The following CABIN1 variants were observed in gnomAD, a reference collection of about 807,000 sequenced individuals.
The protein encoded by CABIN1 is calcineurin binding protein 1.
CABIN1 carries 133 observed loss-of-function variants against 227.7 expected under a neutral mutation model. The ratio of observed to expected loss-of-function variants is 0.58; its 90% CI spans 0.51 to 0.67. The LOEUF is 0.67. CABIN1 is among the 30% of genes least tolerant of loss of function. The pLI, the probability that CABIN1 is intolerant of heterozygous loss-of-function variation, is 0.00. For synonymous variants in CABIN1, 1,086 were observed against 1,155.1 expected (o/e 0.94, Z 1.21); for missense variants, 2,408 against 2,852.5 (o/e 0.84, Z 3.55).
intron 16 of CABIN1, among the ~76,000 whole-genome samples, 164 bp downstream of exon 16, chr22:24,067,345 T>C (rs2039759937): frequency 6.6e-6 from 1 of 152,180 alleles, no homozygotes; most frequent in South Asian, 2.1e-4. Context: ...GAAGATATGG[T>C]CAAGACTAAT....
chr22:24,083,706 T>C (rs1386173780), intron 20 of CABIN1, among the ~76,000 whole-genome samples: 2 of 152,056 alleles, frequency 1.3e-5, no homozygotes, highest in Non-Finnish European at 2.9e-5. Context: ...AAGGCTGGAG[T>C]GCACTGTGAT....
rs754974876 is a variant in CABIN1 at position 24,056,264 on chromosome 22, C to T, written c.1166C>T (p.Thr389Ile). The change falls in exon 10 of 37, where the codon ACA (threonine) becomes ATA (isoleucine). Residue 389 changes from threonine (T) to isoleucine (I), a missense_variant. Transcript: ENST00000263119. ...RKKISEESGE[T>I]AKRRSARVRN... ...AAGATTTCAGAAGAGAGTGGAGAAA[C>T]AGCAAAGCGGCGGTCTGCCCGTGTC... The T allele has an allele frequency of 1.7e-5, 27 of 1,613,836 alleles. No individual in the cohort carries two copies. Among genetic ancestry groups the T allele is most frequent in the East Asian group, 2.2e-5 (1 of 44,896 alleles).
Position 24,134,406 on chromosome 22 carries a change from T to C in CABIN1, c.4737T>C (p.Asn1579=). 1 of 1,613,150 alleles carries C rather than the reference T, an allele frequency of 6.2e-7. No individual in the cohort carries two copies. The highest frequency in any genetic ancestry group is 1.1e-5 in the South Asian group (1 of 91,058). The part of the protein sequence containing the change: ...QGLFCERNKT[N]FFNGIWRIPV... ...TCTTCTGCGAGAGGAACAAGACCAA[T>C]TTCTTCAACGTGAGTACTTTGCCTT... Residue 1579 remains asparagine (N), a synonymous_variant, in exon 29 of 37, where the codon AAT becomes AAC. Transcript: ENST00000263119.
chr22:24,042,408 G>A (rs891672429), intron 5 of CABIN1, among the ~76,000 whole-genome samples: 1 of 152,082 alleles, frequency 6.6e-6, no homozygotes, highest in Non-Finnish European at 1.5e-5. Context: ...TACTAAGACC[G>A]TGTCTCTACA....
intron 33 of CABIN1, among the ~76,000 whole-genome samples, chr22:24,170,480 C>T (rs1318123656): frequency 1.3e-5 from 2 of 152,210 alleles, no homozygotes; most frequent in African/African-American, 2.4e-5. Context: ...CGTGTCTGCT[C>T]ACGCTGCCAG....
intron 22 of CABIN1, among the ~76,000 whole-genome samples, chr22:24,086,228 C>T (rs929884915): frequency 5.9e-5 from 9 of 152,250 alleles, no homozygotes; most frequent in East Asian, 1.9e-4. Context: ...GTGCTTACTG[C>T]GCCACAGTTC....
chr22:24,053,496 G>T (rs2038528613), intron 8 of CABIN1, among the ~76,000 whole-genome samples: 1 of 152,008 alleles, frequency 6.6e-6, no homozygotes, highest in African/African-American at 2.4e-5. Context: ...TCCTGCCTCA[G>T]CCTCCCAAGT....
chr22:24,098,832 A>C lies in CABIN1; in HGVS notation c.4117+640A>C, dbSNP rs546355678. On this transcript the variant is annotated intron_variant, in intron 26 of 36. Coordinates refer to ENST00000263119, the MANE Select transcript of CABIN1 (RefSeq NM_012295.4). ...TCATTTTTATAGTGATAAGCTAGTG[A>C]CAAAGTACTTGCTGGGATAAGCCAA... Among the ~76,000 whole-genome samples the C allele has an allele frequency of 3.9e-5, 6 of 152,320 alleles. No individual in the cohort carries two copies. The East Asian group carries it at 9.6e-4, about 24-fold the overall frequency.
At chr22:24,037,643 A>C (rs1185599272) in intron 3 of CABIN1, among the ~76,000 whole-genome samples, 1 of 152,074 alleles carries the variant, frequency 6.6e-6, no homozygotes, top group Non-Finnish European at 1.5e-5. Context: ...AACCCTTCTG[A>C]TATCATATGT....
At chr22:24,170,979 C>G (rs1281700232) in intron 33 of CABIN1, among the ~76,000 whole-genome samples, 1 of 152,214 alleles carries the variant, frequency 6.6e-6, no homozygotes, top group Non-Finnish European at 1.5e-5. Flanking sequence ...TGTCAGGGCA[C>G]TGGAGCCTTC....
chr22:24,174,873 A>G (rs961929836), intron 34 of CABIN1, among the ~76,000 whole-genome samples: 15 of 152,008 alleles, frequency 9.9e-5, no homozygotes, highest in Middle Eastern at 3.4e-3. Flanking sequence ...CTCAGCAGCA[A>G]CTGAGATCTC....
At chr22:24,063,946 C>T (rs2039390782) in intron 14 of CABIN1, 89 bp from the exon 15 acceptor site, 2 of 1,545,376 alleles carry the variant, frequency 1.3e-6, no homozygotes, top group Admixed American at 1.7e-5. Flanking sequence ...ATGGCCTCCA[C>T]AGTCTAGTGA....
Position 24,168,458 on chromosome 22 carries a change from G to T in CABIN1, c.5694G>T (p.Glu1898Asp). 6.4e-7 allele frequency: 1 copy of T among 1,571,612 alleles called. No homozygotes were observed. The highest frequency in any genetic ancestry group is 8.6e-7 in the Non-Finnish European group (1 of 1,158,300). The change falls in exon 33 of 37, where the codon GAG (glutamate) becomes GAT (aspartate). Residue 1898 changes from glutamate to aspartate, a missense_variant. Transcript: ENST00000263119. ...ATCTCCCTGTTAAGGTGGATGAGGA[G>T]GCTGCGCTGGAGCAGGCTGTGAAGT... ...TYMLIKQVDE[E>D]AALEQAVKFC...
intron 16 of CABIN1, among the ~76,000 whole-genome samples, chr22:24,067,839 C>T (rs1019698829): frequency 6.6e-6 from 1 of 152,164 alleles, no homozygotes; most frequent in African/African-American, 2.4e-5. Flanking sequence ...TGGCACCATG[C>T]CTGGCACTAG....
rs1473474156 is a variant in CABIN1, at chr22:24,087,703, T to C, written c.3515T>C (p.Leu1172Pro). The C allele has an allele frequency of 1.2e-6, 2 of 1,613,750 alleles. No homozygotes were observed. Among genetic ancestry groups the C allele is most frequent in the Non-Finnish European group, 1.7e-6 (2 of 1,180,036 alleles). ...TGGAGAGGCGAGCTGCCCCCTGAGC[T>C]CGTGCAGCAGGTGAGGAGGGGGTGC... The part of the protein sequence containing the change: ...KQWRGELPPE[L>P]VQQMEGRRDS... The change falls in exon 23 of 37, where the codon CTC becomes CCC. Residue 1172 changes from leucine to proline, a missense_variant. Leu to Pro is a moderately conservative substitution (Grantham distance 98, BLOSUM62 -3). This residue lies in a region of CABIN1 where 649 missense variants were observed against 910.3 expected (regional missense o/e 0.71). Transcript: ENST00000263119.
At chr22:24,149,887 G>A (rs1448796831) in intron 29 of CABIN1, among the ~76,000 whole-genome samples, 1 of 152,250 alleles carries the variant, frequency 6.6e-6, no homozygotes, top group Non-Finnish European at 1.5e-5. Flanking sequence ...TTCAGAGGAG[G>A]GGTGGAGGAG....
rs533708950 is a variant in CABIN1, at chr22:24,049,297, T to C, written c.656+77T>C. 13 of 1,543,916 alleles carry C rather than the reference T, an allele frequency of 8.4e-6. No homozygotes were observed. The East Asian group carries it at 2.7e-4, about 32-fold the overall frequency. ...TGAAGGTCAGGAGCACACCACATTCTCCCCTCAGGTCCCATGGATGGAGCC... is the reference window on the plus strand; with the variant it reads ...TGAAGGTCAGGAGCACACCACATTCCCCCCTCAGGTCCCATGGATGGAGCC... On this transcript the variant is annotated intron_variant, in intron 7 of 36. Transcript: ENST00000263119.
At chr22:24,016,808 G>C (rs1026184685) in intron 1 of CABIN1, among the ~76,000 whole-genome samples, 1 of 152,144 alleles carries the variant, frequency 6.6e-6, no homozygotes, top group Non-Finnish European at 1.5e-5. Context: ...AGTGTGTGCT[G>C]TCATGCTTTA....
At position 24,134,337 on chromosome 22, in the gene CABIN1, C is replaced by G; in HGVS notation, c.4668C>G (p.Ser1556Arg). 1.2e-6 allele frequency: 2 copies of G among 1,614,128 alleles called. No individual in the cohort carries two copies. The highest frequency in any genetic ancestry group is 4.5e-5 in the East Asian group (2 of 44,884). The change falls in exon 29 of 37, where the codon AGC becomes AGG. Residue 1556 changes from serine (S) to arginine (R), a missense_variant. By Grantham distance (110) the Ser-to-Arg change is moderately radical. Around this residue, in one of 3 missense-constraint regions of CABIN1, gnomAD observed 649 missense variants for 910.3 expected, o/e 0.71. Transcript: ENST00000263119. Reference protein sequence around the residue: ...LQWARDVLLGSSIPWQQLQHM... With the variant: ...LQWARDVLLGRSIPWQQLQHM... ...GGGCCCGCGACGTGTTGCTAGGCAGCAGTATCCCGTGGCAACAACTGCAGC... is the reference window on the plus strand; with the variant it reads ...GGGCCCGCGACGTGTTGCTAGGCAGGAGTATCCCGTGGCAACAACTGCAGC...
Sources: allele counts gnomAD v4.1 joint callset (sites outside exome capture counted in the v4.1 genomes callset), GRCh38; gene constraint gnomAD v4.1.1; regional missense constraint gnomAD v4.1.1; transcripts MANE v1.5; gene names NCBI Gene and HGNC (gene_info 2026-07-23, HGNC 2026-07-21).